Variants in ZNF804A observed in about 807,000 individuals in gnomAD.
The protein encoded by ZNF804A is zinc finger protein 804A.
ZNF804A carries 2 observed loss-of-function variants against 16.5 expected under a neutral mutation model. The observed-to-expected ratio is 0.12, with a 90% CI of 0.05 to 0.38. The LOEUF (loss-of-function observed/expected upper bound fraction) is 0.38, where lower values mean the gene tolerates loss of function less well. Among genes scored for constraint, ZNF804A ranks in the 10% least tolerant of loss-of-function variants. The pLI is 0.99. For synonymous variants in ZNF804A, 534 were observed against 489.6 expected (o/e 1.09, Z -1.20); for missense variants, 1,473 against 1,390.7 (o/e 1.06, Z -0.94).
At chr2:184,805,464 A>G (rs1201293192) in intron 1 of ZNF804A, among the ~76,000 whole-genome samples, 2 of 152,108 alleles carry the variant, frequency 1.3e-5, no homozygotes, top group Non-Finnish European at 2.9e-5. Context: ...TGCAATCTCA[A>G]ACCACTTACT....
At chr2:184,623,469 G>A (rs2105681536) in intron 1 of ZNF804A, among the ~76,000 whole-genome samples, 1 of 152,088 alleles carries the variant, frequency 6.6e-6, no homozygotes, top group African/African-American at 2.4e-5. Context: ...TGTACTAAAT[G>A]TATGTAAATT....
At chr2:184,735,817 G>A (rs2105749978) in intron 1 of ZNF804A, among the ~76,000 whole-genome samples, 1 of 152,234 alleles carries the variant, frequency 6.6e-6, no homozygotes, top group Non-Finnish European at 1.5e-5. Flanking sequence ...AGAAAACTAT[G>A]CGTAGTTTAC....
At chr2:184,669,121 A>G (rs546206702) in intron 1 of ZNF804A, among the ~76,000 whole-genome samples, 1 of 152,144 alleles carries the variant, frequency 6.6e-6, no homozygotes, top group Admixed American at 6.6e-5. Context: ...GAAAAATGGT[A>G]TTATGAGACA....
At chr2:184,886,450 C>A (rs191807214) in intron 2 of ZNF804A, among the ~76,000 whole-genome samples, 139 of 152,280 alleles carry the variant, frequency 9.1e-4, no homozygotes, top group Middle Eastern at 6.8e-3. Flanking sequence ...AGGATGGTGG[C>A]CCTCCTCTCA....
At chr2:184,604,406 C>T (rs1188287894) in intron 1 of ZNF804A, among the ~76,000 whole-genome samples, 1 of 151,860 alleles carries the variant, frequency 6.6e-6, no homozygotes. Context: ...ATCTCCTGAC[C>T]TCATGATCCG....
chr2:184,910,186 C>T (rs193171258), intron 2 of ZNF804A, among the ~76,000 whole-genome samples: 1,732 of 152,034 alleles, frequency 0.011, 21 homozygotes, highest in Non-Finnish European at 0.021. Flanking sequence ...TGTGTATGAG[C>T]ACCAAATATC....
At chr2:184,820,424 A>G (rs184134746) in intron 1 of ZNF804A, among the ~76,000 whole-genome samples, 2 of 152,228 alleles carry the variant, frequency 1.3e-5, no homozygotes, top group Admixed American at 1.3e-4. Flanking sequence ...CCTCAAAATA[A>G]TAAGCGCCAT....
chr2:184,879,526 A>G (rs1684773020), intron 2 of ZNF804A, among the ~76,000 whole-genome samples: 1 of 152,080 alleles, frequency 6.6e-6, no homozygotes, highest in African/African-American at 2.4e-5. Flanking sequence ...TTGTGTTTAC[A>G]GAAAAAGTCT....
chr2:184,900,445 G>A (rs577112145), intron 2 of ZNF804A, among the ~76,000 whole-genome samples: 1 of 152,216 alleles, frequency 6.6e-6, no homozygotes, highest in South Asian at 2.1e-4. Context: ...ATAGACAGGG[G>A]TAGATCACCA....
At chr2:184,928,132 G>A (rs1175619908) in intron 2 of ZNF804A, among the ~76,000 whole-genome samples, 1 of 152,200 alleles carries the variant, frequency 6.6e-6, no homozygotes, top group East Asian at 1.9e-4. Context: ...CGAGGCCCAC[G>A]AAGTACTACC....
At chr2:184,753,313 C>T (rs1362702989) in intron 1 of ZNF804A, among the ~76,000 whole-genome samples, 1 of 151,630 alleles carries the variant, frequency 6.6e-6, no homozygotes, top group African/African-American at 2.4e-5. Flanking sequence ...GTTCCTCCTT[C>T]CATGTTGTCC....
chr2:184,840,315 C>T (rs577001050), intron 1 of ZNF804A, among the ~76,000 whole-genome samples: 2 of 152,102 alleles, frequency 1.3e-5, no homozygotes, highest in South Asian at 2.1e-4. Flanking sequence ...ACCTGGGAGG[C>T]GGATGATGCA....
At chr2:184,808,749 CAG>C (rs1450666951) in intron 1 of ZNF804A, among the ~76,000 whole-genome samples, 2 of 151,370 alleles carry the variant, frequency 1.3e-5, no homozygotes, top group African/African-American at 2.4e-5. Flanking sequence ...GAGGTAAAAA[CAG>C]AATTTAATAA....
chr2:184,913,831 A>T (rs1430284722), intron 2 of ZNF804A, among the ~76,000 whole-genome samples: 1 of 152,120 alleles, frequency 6.6e-6, no homozygotes, highest in Non-Finnish European at 1.5e-5. Flanking sequence ...CTCACTACTC[A>T]TGTGCCTGCA....
chr2:184,817,836 G>A (rs1048898710), intron 1 of ZNF804A, among the ~76,000 whole-genome samples: 1 of 151,832 alleles, frequency 6.6e-6, no homozygotes, highest in African/African-American at 2.4e-5. Context: ...TCCGAAATAA[G>A]ACAGGCAGAA....
At chr2:184,795,972 A>C (rs755615006) in intron 1 of ZNF804A, among the ~76,000 whole-genome samples, 6 of 151,322 alleles carry the variant, frequency 4.0e-5, no homozygotes, top group Non-Finnish European at 7.4e-5. Flanking sequence ...ATCTATTGAG[A>C]TGATCGTGTG....
At chr2:184,660,737 C>A (rs1170520171) in intron 1 of ZNF804A, among the ~76,000 whole-genome samples, 1 of 152,224 alleles carries the variant, frequency 6.6e-6, no homozygotes, top group East Asian at 1.9e-4. Flanking sequence ...AATTGCTACA[C>A]TTGGGATATC....
chr2:184,750,577 T>G (rs1196419733), intron 1 of ZNF804A, among the ~76,000 whole-genome samples: 1 of 151,372 alleles, frequency 6.6e-6, no homozygotes, highest in Non-Finnish European at 1.5e-5. Flanking sequence ...AGTTTGGAGC[T>G]AAGTATATAC....
intron 1 of ZNF804A, among the ~76,000 whole-genome samples, chr2:184,700,735 A>T (rs1692906486): frequency 6.6e-6 from 1 of 152,062 alleles, no homozygotes; most frequent in Non-Finnish European, 1.5e-5. Context: ...GGCAGTTCTC[A>T]TTTGATAGAG....
Sources: gnomAD v4.1 joint callset for allele counts (sites outside exome capture counted in the v4.1 genomes callset) on GRCh38, gnomAD v4.1.1 for gene constraint, MANE v1.5 for transcripts, NCBI Gene and HGNC (gene_info 2026-07-23, HGNC 2026-07-21) for gene names.